CLK3: variants seen among roughly 807,000 people sequenced by gnomAD.
The protein encoded by CLK3 is dual specificity protein kinase CLK3.
A neutral mutation model predicts 65.2 loss-of-function variants in CLK3; 24 were observed. The ratio of observed to expected loss-of-function variants is 0.37; its 90% CI spans 0.27 to 0.52. CLK3 has a LOEUF of 0.52. CLK3 is among the 20% of genes least tolerant of loss of function. The pLI is 0.92. For synonymous variants in CLK3, 252 were observed against 240.8 expected, an observed-to-expected ratio of 1.05 and a Z score of -0.43; for missense variants, 506 against 660.0, an observed-to-expected ratio of 0.77 and a Z score of 2.56.
intron 2 of CLK3, 96 bp from the exon 3 acceptor site, chr15:74,619,913 T>TC (rs1025149325): frequency 6.4e-7 from 1 of 1,568,822 alleles, no homozygotes; most frequent in African/African-American, 1.3e-5. Flanking sequence ...GCACAGGCTG[T>TC]CCCCCTTTAG....
intron 5 of CLK3, chr15:74,623,737 G>A (rs1209796871): frequency 6.6e-6 from 1 of 152,246 alleles, no homozygotes; most frequent in Non-Finnish European, 1.5e-5. Context: ...GGAGTCACTA[G>A]GGGGCAGGTG....
chr15:74,629,094 A>C (rs2062169654), intron 12 of CLK3, 62 bp downstream of exon 12: 1 of 1,260,762 alleles, frequency 7.9e-7, no homozygotes, highest in Non-Finnish European at 1.2e-6. Context: ...CACTGGGCAG[A>C]CATACAGCAG....
Position 74,624,938 on chromosome 15 carries a change from C to T in CLK3, c.570C>T (p.Asn190=), listed in dbSNP as rs775862421. The part of the protein sequence containing the change: ...KSQVALKIIR[N]VGKYREAARL... Reference sequence around the variant, plus strand: ...AGGTTGCCCTGAAGATCATCCGCAACGTGGGCAAGTACCGGGAGGCTGCCC... The same window carrying T: ...AGGTTGCCCTGAAGATCATCCGCAATGTGGGCAAGTACCGGGAGGCTGCCC... The change falls in exon 6 of 13, where the codon AAC becomes AAT. Residue 190 remains asparagine (N), a synonymous_variant. Transcript: ENST00000395066. This position sits in a 1 kb window ranked among gnomAD's most constrained non-coding sequence, Gnocchi z 4.2. The T allele has an allele frequency of 1.2e-5, 19 of 1,610,710 alleles. No individual in the cohort carries two copies. Among genetic ancestry groups the T allele is most frequent in the East Asian group, 1.1e-4 (5 of 44,792 alleles).
In CLK3 at chr15:74,624,637, T is replaced by G; in HGVS notation, c.534-265T>G. On this transcript the variant is annotated intron_variant, in intron 5 of 12. Transcript: ENST00000395066. The surrounding 1 kb of genome is among the most constrained non-coding windows in gnomAD (Gnocchi z 4.2). ...TTGGCCTCTACTCTCCCACACTCCT[T>G]TGGGAGCTGGCAGTGGCTGAGAACA... 3.9e-6 allele frequency: 2 copies of G among 519,302 alleles called. No individual in the cohort carries two copies. Among genetic ancestry groups the G allele is most frequent in the East Asian group, 3.3e-5 (1 of 30,286 alleles). 32.2% of individuals were successfully genotyped at this position (519,302 alleles called of 1,614,324 possible).
intron 1 of CLK3, chr15:74,608,434 A>G (rs559956228): frequency 6.6e-6 from 1 of 152,312 alleles, no homozygotes; most frequent in East Asian, 1.9e-4. Context: ...CAGGTACAGC[A>G]TGGACCCCAG....
At chr15:74,619,044 C>T in intron 1 of CLK3, 153 bp from the exon 2 acceptor site, 1 of 823,664 alleles carries the variant, frequency 1.2e-6, no homozygotes, top group South Asian at 1.7e-5. Context: ...AGTGTGACCT[C>T]AGAGTTCTTC....
rs1555448336 is a variant in CLK3, at chr15:74,621,910, C to CA, written c.370-209dup. 9.6e-6 allele frequency: 6 copies of CA among 627,200 alleles called. No individual in the cohort carries two copies. Among genetic ancestry groups the CA allele is most frequent in the Non-Finnish European group, 1.8e-5 (6 of 335,448 alleles). 38.9% of individuals were successfully genotyped at this position (627,200 alleles called of 1,614,324 possible). On this transcript the variant is annotated intron_variant, in intron 3 of 12. Coordinates refer to ENST00000395066, the MANE Select transcript of CLK3 (RefSeq NM_001130028.2). The surrounding 1 kb of genome is among the most constrained non-coding windows in gnomAD (Gnocchi z 4.8). ...GTTTTTACTTTTCTGTTTTTGAAGT[C>CA]AGTTTGTGTCTTGACGTGTCCCTTG...
intron 7 of CLK3, among the ~76,000 whole-genome samples, chr15:74,626,786 T>C (rs996881160): frequency 6.6e-6 from 1 of 152,094 alleles, no homozygotes; most frequent in Non-Finnish European, 1.5e-5. Context: ...AAGTGACTAC[T>C]AGCAAGAAGC....
At chr15:74,620,630 G>C (rs961313829) in intron 3 of CLK3, 2 of 256,360 alleles carry the variant, frequency 7.8e-6, no homozygotes, top group South Asian at 5.3e-5. Context: ...CTGCCTCCTC[G>C]TGTAACTGAG....
intron 1 of CLK3, chr15:74,618,980 T>G: frequency 1.9e-6 from 1 of 524,630 alleles, no homozygotes. Context: ...TGCTGGGAGC[T>G]GTTTGTTTGT....
chr15:74,610,820 G>A (rs2061980177), intron 1 of CLK3, among the ~76,000 whole-genome samples: 1 of 152,388 alleles, frequency 6.6e-6, no homozygotes, highest in Non-Finnish European at 1.5e-5. Context: ...GTAGGGAGCA[G>A]TGGCTCCAGG....
Position 74,627,629 on chromosome 15 carries a change from G to T in CLK3, c.1003G>T (p.Val335Leu). The change falls in exon 9 of 13, where the codon GTG becomes TTG. Residue 335 changes from valine (V) to leucine (L), a missense_variant. Physicochemically the swap from Val to Leu is conservative, Grantham distance 32. Around this residue, in one of 2 missense-constraint regions of CLK3, gnomAD observed 325 missense variants for 500.5 expected, o/e 0.65. Transcript: ENST00000395066. The surrounding 1 kb of genome is among the most constrained non-coding windows in gnomAD (Gnocchi z 4.3). ...TGACCATGAGCACCACACCACCATT[G>T]TGGCCACCCGTCACTATCGCCCGCC... ...TFDHEHHTTIVATRHYRPPEV... is the reference protein window; with the variant it reads ...TFDHEHHTTILATRHYRPPEV... 1 of 1,614,054 alleles carries T rather than the reference G, an allele frequency of 6.2e-7. No individual in the cohort carries two copies. The highest frequency in any genetic ancestry group is 8.5e-7 in the Non-Finnish European group (1 of 1,180,038).
intron 1 of CLK3, among the ~76,000 whole-genome samples, chr15:74,609,130 C>G (rs917996104): frequency 2.6e-5 from 4 of 152,188 alleles, no homozygotes; most frequent in Non-Finnish European, 4.4e-5. Flanking sequence ...TCTTGTTCAC[C>G]TGGGGAGATC....
intron 1 of CLK3, among the ~76,000 whole-genome samples, chr15:74,610,297 A>C: frequency 6.7e-6 from 1 of 149,576 alleles, no homozygotes. Context: ...GCCCAGCCCC[A>C]CTCACTTGTC....
chr15:74,613,593 G>A (rs2062018385), upstream of CLK3: 2 of 152,278 alleles, frequency 1.3e-5, no homozygotes, highest in African/African-American at 2.4e-5. Context: ...TGGCTGGGAG[G>A]TAGGGACTCC....
Position 74,622,306 on chromosome 15 carries a change from G to A in CLK3, c.466+90G>A, listed in dbSNP as rs755743099. The A allele has an allele frequency of 1.8e-5, 23 of 1,290,136 alleles. No individual in the cohort carries two copies. Among genetic ancestry groups the A allele is most frequent in the East Asian group, 1.4e-4 (6 of 42,778 alleles). 79.9% of individuals were successfully genotyped at this position (1,290,136 alleles called of 1,614,324 possible). A position where few individuals can be genotyped will look rare whatever the true frequency, so the allele number is the denominator to read the frequency against. ...TCCTGCCTGGAGGGGCCTCTAGTGCGCGTGGTGCCTTAGCGGGGCCACCAG... is the reference window on the plus strand; with the variant it reads ...TCCTGCCTGGAGGGGCCTCTAGTGCACGTGGTGCCTTAGCGGGGCCACCAG... On this transcript the variant is annotated intron_variant, in intron 4 of 12. Transcript: ENST00000395066. The surrounding 1 kb of genome is among the most constrained non-coding windows in gnomAD (Gnocchi z 4.6).
At chr15:74,614,182 T>G (rs2062026345), upstream of CLK3, among the ~76,000 whole-genome samples, 1 of 152,084 alleles carries the variant, frequency 6.6e-6, no homozygotes, top group South Asian at 2.1e-4. Flanking sequence ...TCTAGCTAAT[T>G]TTTGTATTTT....
upstream of CLK3, among the ~76,000 whole-genome samples, chr15:74,614,092 C>A (rs1414638976): frequency 1.3e-5 from 2 of 152,206 alleles, no homozygotes; most frequent in African/African-American, 4.8e-5. Flanking sequence ...CGGCTCACTG[C>A]AATCTCTGCC....
chr15:74,615,209 C>G (rs974551016), upstream of CLK3: 3 of 395,490 alleles, frequency 7.6e-6, no homozygotes, highest in South Asian at 1.4e-4. Flanking sequence ...GGAGGGGGCT[C>G]AAGGAGAGGG....
Sources: allele counts gnomAD v4.1 joint callset (sites outside exome capture counted in the v4.1 genomes callset), GRCh38; gene constraint gnomAD v4.1.1; regional missense constraint gnomAD v4.1.1; non-coding constraint Gnocchi (gnomAD v3.1); transcripts MANE v1.5; gene names NCBI Gene and HGNC (gene_info 2026-07-23, HGNC 2026-07-21).